Variants in TLN1 observed in about 807,000 individuals in gnomAD.
TLN1 encodes talin 1, also known as talin-1.
Under a neutral mutation model 292.3 loss-of-function variants are expected in TLN1, and 56 were observed. The observed-to-expected ratio is 0.19, with a 90% CI of 0.15 to 0.24. The LOEUF (loss-of-function observed/expected upper bound fraction) is 0.24. TLN1 is among the 10% of genes least tolerant of loss of function. TLN1 has a pLI of 1.00. For synonymous variants in TLN1, 1,119 were observed against 1,253.7 expected (o/e 0.89, Z 2.27); for missense variants, 2,433 against 3,248.2 (o/e 0.75, Z 6.10).
rs774655298 is a variant in TLN1 at position 35,724,535 on chromosome 9, C to T, written c.511+37G>A. On this transcript the variant is annotated intron_variant, in intron 5 of 56. Coordinates refer to ENST00000314888, the MANE Select transcript of TLN1 (RefSeq NM_006289.4). This position sits in a 1 kb window ranked among gnomAD's most constrained non-coding sequence, Gnocchi z 4.7. ...ATGCTGAAGCCCCTTCCCACCCTTCCCATTTCAAAAGCCCTCTTTTTTCTA... is the reference window on the plus strand; with the variant it reads ...ATGCTGAAGCCCCTTCCCACCCTTCTCATTTCAAAAGCCCTCTTTTTTCTA... The T allele has an allele frequency of 6.2e-7, 1 of 1,600,688 alleles. No individual in the cohort carries two copies. Among genetic ancestry groups the T allele is most frequent in the Admixed American group, 1.7e-5 (1 of 57,898 alleles).
chr9:35,711,519 C>T, intron 29 of TLN1, 76 bp downstream of exon 29: 3 of 1,608,162 alleles, frequency 1.9e-6, no homozygotes, highest in Non-Finnish European at 2.6e-6. Flanking sequence ...AGGAGCAAGT[C>T]AGGACTGGTC....
At chr9:35,722,415 C>T (rs866438690) in intron 8 of TLN1, among the ~76,000 whole-genome samples, 192 bp from the exon 9 acceptor site, 99 of 152,150 alleles carry the variant, frequency 6.5e-4, no homozygotes, top group African/African-American at 2.4e-3. Context: ...TCAAGGGATA[C>T]AGTCAAGGAA....
rs1296692245 is a variant in TLN1 at position 35,713,042 on chromosome 9, A to G, written c.3354T>C (p.Gly1118=). The change falls in exon 27 of 57, where the codon GGT becomes GGC. Residue 1118 remains glycine (G), a splice_region_variant and synonymous_variant. Transcript: ENST00000314888. The stretch of plus-strand genomic sequence containing the variant: ...CACCTGCCACATCCCGAGCTGCAAT[A>G]CCTTGGGAGATGAGGAGAAAGAGGG... ...EVAQGNENYA[G]IAARDVAGGL... 1 of 1,601,630 alleles carries G rather than the reference A, an allele frequency of 6.2e-7. No homozygotes were observed. The highest frequency in any genetic ancestry group is 1.3e-5 in the African/African-American group (1 of 74,754).
rs915658768 is a variant in TLN1, at chr9:35,699,901, G to A, written c.6768+73C>T. 11 of 1,443,594 alleles carry A rather than the reference G, an allele frequency of 7.6e-6. No homozygotes were observed. In the African/African-American group the frequency reaches 1.5e-4, roughly 20 times the overall value. The allele number at this position is 1,443,594 out of a possible 1,614,324, so 89.4% of individuals were successfully genotyped here. On this transcript the variant is annotated intron_variant, in intron 50 of 56. Transcript: ENST00000314888. The surrounding 1 kb of genome is among the most constrained non-coding windows in gnomAD (Gnocchi z 4.0). ...AGATCTGAGCAAAACAGACAGCAGG[G>A]TGCGAGGCCTGCAGGAAGAGGGCTG...
rs1186670429 is a variant in TLN1, at chr9:35,697,195, G to A, written c.*596C>T. On this transcript the variant is annotated 3_prime_UTR_variant, in exon 57 of 57. Transcript: ENST00000314888. ...GATAACTTTAGGGTCCGGGTGCAAG[G>A]AGGAAGGGACCTCAGGTGCAGACTG... 2 of 152,694 alleles carry A rather than the reference G, an allele frequency of 1.3e-5. No individual in the cohort carries two copies. Among genetic ancestry groups the A allele is most frequent in the African/African-American group, 2.4e-5 (1 of 41,458 alleles). The allele number at this position is 152,694 out of a possible 1,614,324, so 9.5% of individuals were successfully genotyped here. A position where few individuals can be genotyped will look rare whatever the true frequency, so the allele number is the denominator to read the frequency against.
Position 35,724,443 on chromosome 9 carries a change from T to C in TLN1, c.512-109A>G. 6.4e-7 allele frequency: 1 copy of C among 1,565,550 alleles called. No individual in the cohort carries two copies. Among genetic ancestry groups the C allele is most frequent in the Non-Finnish European group, 8.7e-7 (1 of 1,145,848 alleles). ...TCCCCTCACTTAAATGTAAGTCCCA[T>C]GAGTGTAGGACTTTGTTTTCTCACT... On this transcript the variant is annotated intron_variant, in intron 5 of 56. Transcript: ENST00000314888. The surrounding 1 kb of genome is among the most constrained non-coding windows in gnomAD (Gnocchi z 4.7).
In TLN1 at chr9:35,698,255, T is replaced by C; in HGVS notation, c.7371+68A>G. On this transcript the variant is annotated intron_variant, in intron 55 of 56. Coordinates refer to ENST00000314888, the MANE Select transcript of TLN1 (RefSeq NM_006289.4). The surrounding 1 kb of genome is among the most constrained non-coding windows in gnomAD (Gnocchi z 5.3). Reference sequence around the variant, plus strand: ...GTACCTCAATTCTCTCATAGAAACATACATCTCGGGAGTGACAGTTTGAAG... The same window carrying C: ...GTACCTCAATTCTCTCATAGAAACACACATCTCGGGAGTGACAGTTTGAAG... The C allele has an allele frequency of 6.2e-6, 10 of 1,608,226 alleles. No individual in the cohort carries two copies. The highest frequency in any genetic ancestry group is 1.7e-4 in the Middle Eastern group (1 of 6,042).
At chr9:35,727,036 T>C (rs1314791936) in intron 1 of TLN1, among the ~76,000 whole-genome samples, 1 of 152,164 alleles carries the variant, frequency 6.6e-6, no homozygotes, top group African/African-American at 2.4e-5. Context: ...TACCCCACCT[T>C]CTTCCACCCT....
intron 1 of TLN1, among the ~76,000 whole-genome samples, chr9:35,726,590 C>T (rs1825982193): frequency 6.6e-6 from 1 of 152,208 alleles, no homozygotes; most frequent in South Asian, 2.1e-4. Flanking sequence ...CAAACAAACT[C>T]TAGCTAGCCT....
Position 35,724,297 on chromosome 9 carries a change from C to G in TLN1, c.549G>C (p.Gln183His), listed in dbSNP as rs763245321. ...WLDHGRTLRE[Q>H]GVEEHETLLL... Reference sequence around the variant, plus strand: ...GCAGCGTCTCGTGCTCCTCTACACCCTGCTCCCTCAGTGTCCGACCATGGT... The same window carrying G: ...GCAGCGTCTCGTGCTCCTCTACACCGTGCTCCCTCAGTGTCCGACCATGGT... Residue 183 changes from glutamine (Q) to histidine (H), a missense_variant, in exon 6 of 57, where the codon CAG becomes CAC. By Grantham distance (24) the Gln-to-His change is conservative. This residue lies in a region of TLN1 where 155 missense variants were observed against 287.9 expected (regional missense o/e 0.54). Coordinates refer to ENST00000314888, the MANE Select transcript of TLN1 (RefSeq NM_006289.4). This position sits in a 1 kb window ranked among gnomAD's most constrained non-coding sequence, Gnocchi z 4.7. 3.1e-6 allele frequency: 5 copies of G among 1,614,214 alleles called. No individual in the cohort carries two copies. The highest frequency in any genetic ancestry group is 4.2e-6 in the Non-Finnish European group (5 of 1,180,040).
Position 35,716,386 on chromosome 9 carries a change from G to C in TLN1, c.2625+4C>G. ...TCTGGGAGTGTGCACAGAAGGCTTT[G>C]TACCTTGGCAGCCTCTACCATCTTG... On this transcript the variant is annotated splice_donor_region_variant and intron_variant, in intron 20 of 56. Transcript: ENST00000314888. 1 of 1,614,116 alleles carries C rather than the reference G, an allele frequency of 6.2e-7. No individual in the cohort carries two copies. The highest frequency in any genetic ancestry group is 1.3e-5 in the African/African-American group (1 of 75,024).
intron 46 of TLN1, 29 bp from the exon 47 acceptor site, chr9:35,703,929 A>G (rs1357522464): frequency 1.1e-5 from 17 of 1,613,730 alleles, no homozygotes; most frequent in Admixed American, 5.0e-5. Context: ...GCTCTGGTCT[A>G]TGGGAGGAAG....
chr9:35,705,602 G>A lies in TLN1; in HGVS notation c.5682C>T (p.Gly1894=), dbSNP rs1440679758. The stretch of plus-strand genomic sequence containing the variant: ...CAGGCTTGGCCTCCGAGGCCAGACG[G>A]CCATAGTCACTGGTCAGCTGGTTAG... ...PLANQLTSDY[G]RLASEAKPAA... Residue 1894 remains glycine, a synonymous_variant, in exon 43 of 57, where the codon GGC becomes GGT. Coordinates refer to ENST00000314888, the MANE Select transcript of TLN1 (RefSeq NM_006289.4). 3 of 1,607,440 alleles carry A rather than the reference G, an allele frequency of 1.9e-6. No homozygotes were observed. Among genetic ancestry groups the A allele is most frequent in the Non-Finnish European group, 2.6e-6 (3 of 1,174,798 alleles).
rs770990438 is a variant in TLN1 at position 35,720,856 on chromosome 9, T to C, written c.1162A>G (p.Ile388Val). 4 of 1,614,192 alleles carry C rather than the reference T, an allele frequency of 2.5e-6. No individual in the cohort carries two copies. The highest frequency in any genetic ancestry group is 2.5e-6 in the Non-Finnish European group (3 of 1,180,024). ...ATGTAGCCGGCAATGAGCTGTGCAA[T>C]CTGCTCCCCTTCAGTTGTCTGTACT... ...YSVQTTEGEQ[I>V]AQLIAGYIDI... is the part of the protein sequence containing the mutation. The change falls in exon 11 of 57, where the codon ATT (isoleucine) becomes GTT (valine). Residue 388 changes from isoleucine (I) to valine (V), a missense_variant. Ile to Val is a conservative substitution (Grantham distance 29, BLOSUM62 3). This residue lies in a region of TLN1 where 57 missense variants were observed against 136.5 expected (regional missense o/e 0.42). Transcript: ENST00000314888.
At chr9:35,730,745 G>A (rs1392045399) in intron 1 of TLN1, among the ~76,000 whole-genome samples, 1 of 152,090 alleles carries the variant, frequency 6.6e-6, no homozygotes, top group Non-Finnish European at 1.5e-5. Flanking sequence ...GGCAGGATGG[G>A]TGTGAAATGC....
At chr9:35,705,199 G>A (rs1563939711) in intron 43 of TLN1, among the ~76,000 whole-genome samples, 1 of 152,178 alleles carries the variant, frequency 6.6e-6, no homozygotes, top group Non-Finnish European at 1.5e-5. Context: ...TTGCTTTCTT[G>A]GAAAGCTAGA....
At chr9:35,702,431 C>T (rs562735848) in intron 48 of TLN1, among the ~76,000 whole-genome samples, 8 of 152,226 alleles carry the variant, frequency 5.3e-5, no homozygotes, top group Admixed American at 1.3e-4. Context: ...GATTCAATGA[C>T]GTTCGAGAAA....
rs747723243 is a variant in TLN1, at chr9:35,725,744, G to A, written c.-33-17C>T. The A allele has an allele frequency of 1.6e-5, 25 of 1,604,232 alleles. No homozygotes were observed. The highest frequency in any genetic ancestry group is 2.0e-5 in the Non-Finnish European group (24 of 1,174,822). On this transcript the variant is annotated splice_polypyrimidine_tract_variant and intron_variant, in intron 1 of 56. Coordinates refer to ENST00000314888, the MANE Select transcript of TLN1 (RefSeq NM_006289.4). ...TGGCTATACCTGACCCATGGCATCA[G>A]GGCATTAGAATACACTCTTCTGGTG... is the stretch of plus-strand genomic sequence containing the variant.
In TLN1 at chr9:35,704,052, C is replaced by T. The variant is rs373576316; in HGVS notation, c.6170G>A (p.Arg2057His). The change falls in exon 46 of 57, where the codon CGC becomes CAC. Residue 2057 changes from arginine (R) to histidine (H), a missense_variant. By Grantham distance (29) the Arg-to-His change is conservative. Coordinates refer to ENST00000314888, the MANE Select transcript of TLN1 (RefSeq NM_006289.4). The surrounding 1 kb of genome is among the most constrained non-coding windows in gnomAD (Gnocchi z 6.9). Reference sequence around the variant, plus strand: ...ACCCAGCTTGACCACATCAGCGAGGCGGGTGATGGTCGCCACGGAGGACTG... The same window carrying T: ...ACCCAGCTTGACCACATCAGCGAGGTGGGTGATGGTCGCCACGGAGGACTG... ...AAQSSVATIT[R>H]LADVVKLGAA... 30 of 1,613,800 alleles carry T rather than the reference C, an allele frequency of 1.9e-5. No individual in the cohort carries two copies. In the African/African-American group the frequency reaches 1.9e-4, roughly 10 times the overall value.
Sources: allele counts gnomAD v4.1 joint callset (sites outside exome capture counted in the v4.1 genomes callset), GRCh38; gene constraint gnomAD v4.1.1; regional missense constraint gnomAD v4.1.1; non-coding constraint Gnocchi (gnomAD v3.1); transcripts MANE v1.5; gene names NCBI Gene and HGNC (gene_info 2026-07-23, HGNC 2026-07-21).